The following DCBLD1 variants were observed in gnomAD, a reference collection of about 807,000 sequenced individuals.
DCBLD1 encodes the protein discoidin, CUB and LCCL domain containing 1, also known as discoidin, CUB and LCCL domain-containing protein 1.
A neutral mutation model predicts 71.5 loss-of-function variants in DCBLD1; 57 were observed. The ratio of observed to expected loss-of-function variants is 0.80; its 90% CI spans 0.64 to 0.99. The LOEUF (loss-of-function observed/expected upper bound fraction) is 0.99, where lower values mean the gene tolerates loss of function less well. Ranked by LOEUF, DCBLD1 falls within the 50% of genes least tolerant of loss-of-function variation. DCBLD1 has a pLI of 0.00. For missense variants in DCBLD1, 891 were observed against 923.5 expected, an observed-to-expected ratio of 0.96 and a Z score of 0.46; for synonymous variants, 380 against 363.8, an observed-to-expected ratio of 1.04 and a Z score of -0.51.
intron 1 of DCBLD1, among the ~76,000 whole-genome samples, chr6:117,489,337 A>T (rs1370951709): frequency 1.3e-5 from 2 of 152,206 alleles, no homozygotes; most frequent in African/African-American, 4.8e-5. Flanking sequence ...CAAGCCATTC[A>T]TGAGGGATCT....
At chr6:117,542,185 C>T (rs938512350) in intron 11 of DCBLD1, among the ~76,000 whole-genome samples, 3 of 151,554 alleles carry the variant, frequency 2.0e-5, no homozygotes, top group African/African-American at 7.3e-5. Flanking sequence ...CCCAGCTACT[C>T]GGGAGGCTGA....
In DCBLD1 at chr6:117,537,122, T is replaced by A. The variant is rs570724526; in HGVS notation, c.720-63T>A. The A allele has an allele frequency of 1.2e-5, 19 of 1,539,696 alleles. No individual in the cohort carries two copies. The African/African-American group carries it at 2.3e-4, about 19-fold the overall frequency. ...AGTTCTGTGAGCCCTGGGATGTAGC[T>A]ATATTAGTCACTAAGATGTAGGTGA... On this transcript the variant is annotated intron_variant, in intron 6 of 14. Coordinates refer to ENST00000338728, the MANE Select transcript of DCBLD1 (RefSeq NM_001366458.2).
intron 2 of DCBLD1, among the ~76,000 whole-genome samples, chr6:117,512,974 A>G (rs1778073452): frequency 6.6e-6 from 1 of 152,142 alleles, no homozygotes; most frequent in Non-Finnish European, 1.5e-5. Context: ...CCTTCTATAT[A>G]TAAAACAATA....
chr6:117,537,672 TTTTTTTTTTTTTTTTTTTA>T (rs1778945632), intron 7 of DCBLD1, among the ~76,000 whole-genome samples: 1 of 132,140 alleles, frequency 7.6e-6, no homozygotes, highest in East Asian at 2.1e-4. Flanking sequence ...CTTTTTTTTT[TTTTTTTTTTTTTTTTTTTA>T]AGGAGGCAGA....
chr6:117,540,661 T>C lies in DCBLD1; in HGVS notation c.1102-7T>C. 4 of 1,614,138 alleles carry C rather than the reference T, an allele frequency of 2.5e-6. No homozygotes were observed. The highest frequency in any genetic ancestry group is 2.5e-6 in the Non-Finnish European group (3 of 1,180,024). ...AATCTTAAGGTAAACATAATTTCCT[T>C]CTATAGGTGTTTCAGGGTAACTCTA... On this transcript the variant is annotated splice_region_variant and splice_polypyrimidine_tract_variant and intron_variant, in intron 9 of 14. Coordinates refer to ENST00000338728, the MANE Select transcript of DCBLD1 (RefSeq NM_001366458.2).
At chr6:117,508,219 C>T (rs1387397578) in intron 2 of DCBLD1, 1 of 152,142 alleles carries the variant, frequency 6.6e-6, no homozygotes, top group African/African-American at 2.4e-5. Context: ...ACTTTGAAAC[C>T]TGGAATTTGG....
rs946077722 is a variant in DCBLD1 at position 117,548,881 on chromosome 6, A to G, written c.*442A>G. On this transcript the variant is annotated 3_prime_UTR_variant, in exon 15 of 15. Transcript: ENST00000338728. Reference sequence around the variant, plus strand: ...AAATAGTATGTTCATTTTTTTCAGTATATTATCTGATACTGTGTTAGCAGC... The same window carrying G: ...AAATAGTATGTTCATTTTTTTCAGTGTATTATCTGATACTGTGTTAGCAGC... The G allele has an allele frequency of 5.9e-6, 6 of 1,013,438 alleles. No homozygotes were observed. Among genetic ancestry groups the G allele is most frequent in the Non-Finnish European group, 7.1e-6 (6 of 846,722 alleles). 62.8% of individuals were successfully genotyped at this position (1,013,438 alleles called of 1,614,324 possible).
At chr6:117,499,256 A>AAAAAAT (rs1358986575) in intron 1 of DCBLD1, among the ~76,000 whole-genome samples, 2 of 150,712 alleles carry the variant, frequency 1.3e-5, no homozygotes, top group African/African-American at 4.9e-5. Context: ...AAAAAAAAAA[A>AAAAAAT]ATCTGCCAGG....
At chr6:117,533,182 C>T (rs796515460) in intron 6 of DCBLD1, among the ~76,000 whole-genome samples, 5 of 152,306 alleles carry the variant, frequency 3.3e-5, no homozygotes, top group African/African-American at 1.2e-4. Context: ...CTGCCTTCTG[C>T]AACTGTTTTT....
At chr6:117,492,019 T>G in intron 1 of DCBLD1, among the ~76,000 whole-genome samples, 1 of 152,334 alleles carries the variant, frequency 6.6e-6, no homozygotes, top group East Asian at 1.9e-4. Flanking sequence ...TGATTATTGC[T>G]CCACTTTTAG....
chr6:117,505,323 G>A (rs1777802444), intron 2 of DCBLD1, among the ~76,000 whole-genome samples: 1 of 152,170 alleles, frequency 6.6e-6, no homozygotes, highest in Admixed American at 6.5e-5. Context: ...GCATTTGTCA[G>A]GGAGTCCCTC....
chr6:117,487,151 G>A (rs887735138), intron 1 of DCBLD1, among the ~76,000 whole-genome samples: 1 of 152,094 alleles, frequency 6.6e-6, no homozygotes, highest in Non-Finnish European at 1.5e-5. Context: ...TTCCAACAAA[G>A]TGTATAATTT....
chr6:117,560,905 G>C lies in DCBLD1; in HGVS notation c.1616-8715G>C, dbSNP rs1332885911. The C allele has an allele frequency of 3.3e-5, 7 of 212,436 alleles. No homozygotes were observed. In the East Asian group the frequency reaches 4.9e-4, roughly 15 times the overall value. The allele number at this position is 212,436 out of a possible 1,614,324, so 13.2% of individuals were successfully genotyped here. On this transcript the variant is annotated intron_variant, in intron 14 of 14. Coordinates refer to the DCBLD1 transcript ENST00000296955. ...GTTTGGTTTTGTCCTAGAAGTTTCA[G>C]GGACATATGAATTTCTTTCCTATAA...
Position 117,503,632 on chromosome 6 carries a change from T to C in DCBLD1, c.113-135T>C, listed in dbSNP as rs569275750. 1,144 of 824,520 alleles carry C rather than the reference T, an allele frequency of 1.4e-3. 12 individuals are homozygous for C. The South Asian group carries it at 0.02, about 15-fold the overall frequency. The allele number at this position is 824,520 out of a possible 1,614,324, so 51.1% of individuals were successfully genotyped here. A position where few individuals can be genotyped will look rare whatever the true frequency, so the allele number is the denominator to read the frequency against. On this transcript the variant is annotated intron_variant, in intron 1 of 14. Coordinates refer to ENST00000338728, the MANE Select transcript of DCBLD1 (RefSeq NM_001366458.2). ...GATATTGTTTAATAATTCAGTCTTCTTTTTTTGTTTTTTGGTTTTCCTTCT... is the reference window on the plus strand; with the variant it reads ...GATATTGTTTAATAATTCAGTCTTCCTTTTTTGTTTTTTGGTTTTCCTTCT...
chr6:117,567,530 A>C (rs1442742948), intron 14 of DCBLD1, among the ~76,000 whole-genome samples: 3 of 152,188 alleles, frequency 2.0e-5, no homozygotes, highest in Non-Finnish European at 2.9e-5. Context: ...AACTAATTCA[A>C]GAAACTCCTA....
At chr6:117,516,715 C>A (rs573457566) in intron 2 of DCBLD1, among the ~76,000 whole-genome samples, 2 of 152,310 alleles carry the variant, frequency 1.3e-5, no homozygotes, top group African/African-American at 4.8e-5. Flanking sequence ...TACAGTTCCA[C>A]GTAGCTGGGG....
At chr6:117,502,832 G>A (rs1043917740) in intron 1 of DCBLD1, among the ~76,000 whole-genome samples, 4 of 152,208 alleles carry the variant, frequency 2.6e-5, no homozygotes, top group Non-Finnish European at 4.4e-5. Flanking sequence ...AGTTGTGCAT[G>A]TCCTTGGATA....
At chr6:117,554,697 G>C (rs1318526144), downstream of DCBLD1, among the ~76,000 whole-genome samples, 1 of 152,036 alleles carries the variant, frequency 6.6e-6, no homozygotes, top group Non-Finnish European at 1.5e-5. Context: ...GATCGAGACT[G>C]TCCTGGCCAA....
intron 14 of DCBLD1, chr6:117,562,872 A>C (rs1219401500): frequency 1.3e-5 from 3 of 225,238 alleles, no homozygotes; most frequent in African/African-American, 2.2e-5. Context: ...GAATTCACTT[A>C]CTCTCTGTAT....
Sources: gnomAD v4.1 joint callset for allele counts (sites outside exome capture counted in the v4.1 genomes callset) on GRCh38, gnomAD v4.1.1 for gene constraint, MANE v1.5 for transcripts, NCBI Gene and HGNC (gene_info 2026-07-23, HGNC 2026-07-21) for gene names.